POLD2: variants seen among roughly 807,000 people sequenced by gnomAD.
POLD2 encodes the protein DNA polymerase delta 2, accessory subunit.
POLD2 carries 31 observed loss-of-function variants against 48.8 expected under a neutral mutation model. The observed-to-expected ratio is 0.64, with a 90% CI of 0.48 to 0.86. POLD2 has a LOEUF of 0.86. Among genes scored for constraint, POLD2 ranks in the 40% least tolerant of loss-of-function variants. The probability of loss-of-function intolerance (pLI) is 0.00; values close to 1 mark genes in which losing one functional copy is unlikely to be tolerated. For synonymous variants in POLD2, 233 were observed against 256.3 expected (o/e 0.91, Z 0.87); for missense variants, 455 against 610.1 (o/e 0.75, Z 2.68).
At chr7:44,117,528 TC>T (rs1562694772) in intron 4 of POLD2, 90 bp downstream of exon 4, 6 of 1,204,834 alleles carry the variant, frequency 5.0e-6, no homozygotes, top group Middle Eastern at 2.7e-4. Context: ...ACCCCCCCAC[TC>T]CCCCCAGGCT....
At chr7:44,122,282 C>A in intron 1 of POLD2, 173 bp from the exon 2 acceptor site, 1 of 1,406,024 alleles carries the variant, frequency 7.1e-7, no homozygotes, top group Non-Finnish European at 9.2e-7. Flanking sequence ...GATGTCTCAC[C>A]CTGTAGCGGT....
intron 4 of POLD2, 82 bp downstream of exon 4, chr7:44,117,537 G>T: frequency 6.6e-7 from 1 of 1,509,916 alleles, no homozygotes. Context: ...CTCCCCCCAG[G>T]CTCCCCACTC....
In POLD2 at chr7:44,116,136, T is replaced by G; in HGVS notation, c.998A>C (p.Gln333Pro). The G allele has an allele frequency of 1.9e-6, 3 of 1,613,552 alleles. No homozygotes were observed. Among genetic ancestry groups the G allele is most frequent in the Non-Finnish European group, 1.7e-6 (2 of 1,179,998 alleles). ...CTACCTGACTCCATCAATGGTGGCC[T>G]GGTAGGGGTTGGTGACCAGCTGGAG... Reference protein sequence around the residue: ...STLQLVTNPYQATIDGVRFLG... With the variant: ...STLQLVTNPYPATIDGVRFLG... Residue 333 changes from glutamine to proline, a missense_variant, in exon 8 of 11, where the codon CAG (glutamine) becomes CCG (proline). Gln to Pro is a moderately conservative substitution (Grantham distance 76). Transcript: ENST00000610533. The surrounding 1 kb of genome is among the most constrained non-coding windows in gnomAD (Gnocchi z 6.1).
At chr7:44,117,367 G>C in intron 4 of POLD2, 120 bp from the exon 5 acceptor site, 1 of 779,312 alleles carries the variant, frequency 1.3e-6, no homozygotes, top group East Asian at 2.7e-5. Context: ...TCTCACCTAG[G>C]ACTCCAGGAT....
rs1041638058 is a variant in POLD2 at position 44,122,291 on chromosome 7, G to A, written c.-56-182C>T. 2.1e-6 allele frequency: 3 copies of A among 1,399,998 alleles called. No homozygotes were observed. The South Asian group carries it at 5.0e-5, about 23-fold the overall frequency. 86.7% of individuals were successfully genotyped at this position (1,399,998 alleles called of 1,614,324 possible). On this transcript the variant is annotated intron_variant, in intron 1 of 10. Coordinates refer to ENST00000610533, the MANE Select transcript of POLD2 (RefSeq NM_006230.4). ...GATACCGATGTCTCACCCTGTAGCG[G>A]TCATCCAAAAAGAGAAAAGGAAAGC...
intron 9 of POLD2, 169 bp from the exon 10 acceptor site, chr7:44,115,565 C>T: frequency 1.4e-6 from 1 of 730,190 alleles, no homozygotes; most frequent in Non-Finnish European, 2.3e-6. Flanking sequence ...GCTGTTGCTG[C>T]CCGTTGGGGT....
intron 4 of POLD2, 76 bp downstream of exon 4, chr7:44,117,543 C>G: frequency 6.5e-7 from 1 of 1,531,118 alleles, no homozygotes; most frequent in Non-Finnish European, 8.8e-7. Context: ...CCAGGCTCCC[C>G]ACTCACACCA....
rs1433302376 is a variant in POLD2, at chr7:44,121,833, C to T, written c.220+1G>A. The stretch of plus-strand genomic sequence containing the variant: ...AAGCACCTTCCCAAACTCTCACTTA[C>T]CCCAGTGCTGCTGGGCCCGGTTCTC... On this transcript the variant is annotated splice_donor_variant, in intron 2 of 10. Coordinates refer to ENST00000610533, the MANE Select transcript of POLD2 (RefSeq NM_006230.4). LOFTEE classifies it high-confidence loss of function. This position sits in a 1 kb window ranked among gnomAD's most constrained non-coding sequence, Gnocchi z 4.5. The T allele has an allele frequency of 6.2e-7, 1 of 1,611,750 alleles. No homozygotes were observed. Among genetic ancestry groups the T allele is most frequent in the Non-Finnish European group, 8.5e-7 (1 of 1,179,314 alleles).
rs2096239735 is a variant in POLD2, at chr7:44,116,515, A to G, written c.781-5T>C. ...TTTCTTGGTGAGGTATTTGGCCTGG[A>G]ATAGAAGCCCAGAAGGCCATCAGGC... On this transcript the variant is annotated splice_region_variant and splice_polypyrimidine_tract_variant and intron_variant, in intron 6 of 10. Transcript: ENST00000610533. The surrounding 1 kb of genome is among the most constrained non-coding windows in gnomAD (Gnocchi z 6.1). 2 of 1,568,850 alleles carry G rather than the reference A, an allele frequency of 1.3e-6. No individual in the cohort carries two copies. The highest frequency in any genetic ancestry group is 8.7e-7 in the Non-Finnish European group (1 of 1,155,988).
At chr7:44,122,918 G>T (rs1319748057) in intron 1 of POLD2, 3 of 152,554 alleles carry the variant, frequency 2.0e-5, no homozygotes, top group Non-Finnish European at 2.9e-5. Context: ...TAAATGTATT[G>T]TCTGCCTGCT....
chr7:44,117,005 G>C lies in POLD2; in HGVS notation c.592C>G (p.Leu198Val). ...CCACCCAGGCCCAGGCCGGACACCA[G>C]TAGCACAAACCTGCGGGAGAAGGTG... ...PPLDTDRFVL[L>V]VSGLGLGGGG... Residue 198 changes from leucine (L) to valine (V), a missense_variant, in exon 6 of 11, where the codon CTG becomes GTG. Around this residue, in one of 3 missense-constraint regions of POLD2, gnomAD observed 349 missense variants for 437.4 expected, o/e 0.80. Transcript: ENST00000610533. The C allele has an allele frequency of 1.2e-6, 2 of 1,613,552 alleles. No homozygotes were observed. Among genetic ancestry groups the C allele is most frequent in the Non-Finnish European group, 1.7e-6 (2 of 1,179,936 alleles).
At chr7:44,115,270 T>A (rs767055520) in intron 10 of POLD2, 25 bp downstream of exon 10, 59 of 1,437,024 alleles carry the variant, frequency 4.1e-5, no homozygotes, top group Non-Finnish European at 5.7e-5. Flanking sequence ...CAAATCAGCC[T>A]GGGCCCCCAG....
Position 44,117,221 on chromosome 7 carries a change from C to T in POLD2, c.493G>A (p.Val165Met), listed in dbSNP as rs367702629. 8 of 1,613,776 alleles carry T rather than the reference C, an allele frequency of 5.0e-6. No individual in the cohort carries two copies. The highest frequency in any genetic ancestry group is 1.3e-5 in the African/African-American group (1 of 74,912). ...TGTVLAVFGS[V>M]RDDGKFLVED... is the part of the protein sequence containing the mutation. ...ACCAGAAACTTCCCGTCGTCTCTCACGGAGCCAAACACAGCCAGGACAGTC... is the reference window on the plus strand; with the variant it reads ...ACCAGAAACTTCCCGTCGTCTCTCATGGAGCCAAACACAGCCAGGACAGTC... The change falls in exon 5 of 11, where the codon GTG (valine) becomes ATG (methionine). Residue 165 changes from valine to methionine, a missense_variant. Val to Met is a conservative substitution (Grantham distance 21, BLOSUM62 1). This residue lies in a region of POLD2 where 349 missense variants were observed against 437.4 expected (regional missense o/e 0.80). Transcript: ENST00000610533.
intron 2 of POLD2, among the ~76,000 whole-genome samples, chr7:44,120,885 G>A (rs978923147): frequency 8.5e-5 from 13 of 152,106 alleles, no homozygotes; most frequent in Admixed American, 2.0e-4. Flanking sequence ...ATGTGAAAAT[G>A]GACTAATACA....
At chr7:44,123,478 C>G (rs915580252) in intron 1 of POLD2, 33 bp downstream of exon 1, 5 of 1,497,088 alleles carry the variant, frequency 3.3e-6, no homozygotes, top group East Asian at 2.8e-5. Context: ...ACTGCCACCC[C>G]CAGCTGACCC....
At chr7:44,115,677 T>C in intron 9 of POLD2, 89 bp downstream of exon 9, 2 of 1,435,844 alleles carry the variant, frequency 1.4e-6, no homozygotes, top group Non-Finnish European at 9.5e-7. Flanking sequence ...TGCTGGCAAG[T>C]GCAAACCCAC....
Position 44,115,875 on chromosome 7 carries a change from T to C in POLD2, c.1038A>G (p.Gly346=). 1 of 1,614,206 alleles carries C rather than the reference T, an allele frequency of 6.2e-7. No homozygotes were observed. Among genetic ancestry groups the C allele is most frequent in the Non-Finnish European group, 8.5e-7 (1 of 1,180,028 alleles). The change falls in exon 9 of 11, where the codon GGA becomes GGG. Residue 346 remains glycine (G), a synonymous_variant. Transcript: ENST00000610533. ...IDGVRFLGTS[G]QNVSDIFRYS... is the part of the protein sequence containing the mutation. ...ATCGGAAAATGTCACTCACGTTCTG[T>C]CCTGATGTCCCCAAAAATCTGCAAG...
intron 5 of POLD2, 40 bp downstream of exon 5, chr7:44,117,093 G>A (rs2128810938): frequency 1.9e-6 from 3 of 1,609,548 alleles, no homozygotes; most frequent in Non-Finnish European, 2.6e-6. Context: ...AGATTCCACT[G>A]ACCATGAGCT....
At position 44,116,446 on chromosome 7, in the gene POLD2, A is replaced by G; in HGVS notation, c.845T>C (p.Ile282Thr). The change falls in exon 7 of 11, where the codon ATC (isoleucine) becomes ACC (threonine). Residue 282 changes from isoleucine (I) to threonine (T), a missense_variant. By Grantham distance (89) the Ile-to-Thr change is moderately conservative (BLOSUM62 -1). Coordinates refer to ENST00000610533, the MANE Select transcript of POLD2 (RefSeq NM_006230.4). This position sits in a 1 kb window ranked among gnomAD's most constrained non-coding sequence, Gnocchi z 6.1. Reference sequence around the variant, plus strand: ...CTCGCTCACGCTCAGCTGCAGGAGGATCTCATCCAGCATCTTAACAGCCTC... The same window carrying G: ...CTCGCTCACGCTCAGCTGCAGGAGGGTCTCATCCAGCATCTTAACAGCCTC... ...SVEAVKMLDE[I>T]LLQLSASVPV... is the part of the protein sequence containing the mutation. 2 of 1,581,182 alleles carry G rather than the reference A, an allele frequency of 1.3e-6. No homozygotes were observed. The highest frequency in any genetic ancestry group is 1.7e-6 in the Non-Finnish European group (2 of 1,163,014).
Sources: gnomAD v4.1 joint callset for allele counts (sites outside exome capture counted in the v4.1 genomes callset) on GRCh38, gnomAD v4.1.1 for gene constraint, gnomAD v4.1.1 regional missense constraint, Gnocchi (gnomAD v3.1) non-coding constraint, MANE v1.5 for transcripts, NCBI Gene and HGNC (gene_info 2026-07-23, HGNC 2026-07-21) for gene names.